PCM1: variants seen among roughly 807,000 people sequenced by gnomAD.
PCM1 encodes pericentriolar material 1, also known as pericentriolar material 1 protein.
A neutral mutation model predicts 241.9 loss-of-function variants in PCM1; 157 were observed. The ratio of observed to expected loss-of-function variants is 0.65; its 90% CI spans 0.57 to 0.74. The LOEUF is 0.74. Among genes scored for constraint, PCM1 ranks in the 30% least tolerant of loss-of-function variants. The pLI is 0.00. For synonymous variants in PCM1, 1,085 were observed against 784.9 expected, an observed-to-expected ratio of 1.38 and a Z score of -6.39; for missense variants, 3,478 against 2,360.1, an observed-to-expected ratio of 1.47 and a Z score of -9.81.
chr8:17,969,806 A>G (rs2285308), intron 22 of PCM1, 58 bp downstream of exon 22: 241,676 of 1,268,606 alleles, frequency 0.19, 25,887 homozygotes, highest in East Asian at 0.4. Flanking sequence ...ATTACATCTA[A>G]TTATGTGTAA....
chr8:17,975,917 T>C (rs1036074151), intron 23 of PCM1, among the ~76,000 whole-genome samples: 1 of 152,206 alleles, frequency 6.6e-6, no homozygotes, highest in African/African-American at 2.4e-5. Flanking sequence ...TTTCCTGCCT[T>C]ACTGAGTTTT....
intron 7 of PCM1, among the ~76,000 whole-genome samples, chr8:17,948,353 G>T (rs959337519): frequency 1.5e-5 from 2 of 136,900 alleles, no homozygotes; most frequent in Admixed American, 8.4e-5. Flanking sequence ...TGCCCAGGCT[G>T]GAGTGCAATG....
At position 18,020,576 on chromosome 8, in the gene PCM1, AT is replaced by A. The variant is rs768724511; in HGVS notation, c.5842-4784del. Reference sequence around the variant, plus strand: ...AACTATTGACTCCTCACATTGACTTATGGAAAACTTCATTAAATAATTCTGA... The same window carrying A: ...AACTATTGACTCCTCACATTGACTTAGGAAAACTTCATTAAATAATTCTGA... On this transcript the variant is annotated intron_variant, in intron 36 of 38. Transcript: ENST00000325083. Among the ~76,000 whole-genome samples, 3 of 152,204 alleles carry A rather than the reference AT, an allele frequency of 2.0e-5. No individual in the cohort carries two copies. In the East Asian group the frequency reaches 5.8e-4, roughly 29 times the overall value.
At chr8:18,008,254 T>C (rs545250455) in intron 30 of PCM1, among the ~76,000 whole-genome samples, 2 of 151,814 alleles carry the variant, frequency 1.3e-5, no homozygotes, top group African/African-American at 4.8e-5. Context: ...CTCATAGGAG[T>C]GTGAACCCTA....
In PCM1 at chr8:17,957,349, G is replaced by A; in HGVS notation, c.1732G>A (p.Val578Ile). The stretch of plus-strand genomic sequence containing the variant: ...TTCTAATAATAGAGATGGGCGAACA[G>A]TTAATTCTAATTGTGAAATTAACAA... The part of the protein sequence containing the change: ...CVSNNRDGRT[V>I]NSNCEINNRS... Residue 578 changes from valine to isoleucine, a missense_variant, in exon 12 of 39, where the codon GTT becomes ATT. Coordinates refer to ENST00000325083, the MANE Select transcript of PCM1 (RefSeq NM_006197.4). The A allele has an allele frequency of 6.2e-7, 1 of 1,611,624 alleles. No individual in the cohort carries two copies. The highest frequency in any genetic ancestry group is 1.7e-4 in the Middle Eastern group (1 of 6,060).
At chr8:17,986,739 T>A (rs1182132616) in intron 26 of PCM1, among the ~76,000 whole-genome samples, 1 of 151,818 alleles carries the variant, frequency 6.6e-6, no homozygotes, top group East Asian at 1.9e-4. Flanking sequence ...ATTTCAAGGT[T>A]CAGGCCTTGA....
intron 24 of PCM1, among the ~76,000 whole-genome samples, chr8:17,984,021 C>T (rs532436334): frequency 7.2e-5 from 11 of 152,134 alleles, no homozygotes; most frequent in African/African-American, 2.4e-4. Flanking sequence ...GGGATTTTTC[C>T]AGCCAAAGCT....
Position 17,957,241 on chromosome 8 carries a change from TCAG to T in PCM1, c.1647-22_1647-20del, listed in dbSNP as rs757029226. ...CTCTTTTTTTGTGCCTTAAATGACTTCAGGCTGTTTTCTTTCTTCTAGAAATCC... is the reference window on the plus strand; with the variant it reads ...CTCTTTTTTTGTGCCTTAAATGACTTGCTGTTTTCTTTCTTCTAGAAATCC... On this transcript the variant is annotated intron_variant, in intron 11 of 38. Coordinates refer to ENST00000325083, the MANE Select transcript of PCM1 (RefSeq NM_006197.4). The T allele has an allele frequency of 6.4e-7, 1 of 1,563,068 alleles. No individual in the cohort carries two copies. The highest frequency in any genetic ancestry group is 8.6e-7 in the Non-Finnish European group (1 of 1,156,296).
At position 17,957,333 on chromosome 8, in the gene PCM1, T is replaced by C. The variant is rs758150581; in HGVS notation, c.1716T>C (p.Asn572=). 3.1e-6 allele frequency: 5 copies of C among 1,611,560 alleles called. No individual in the cohort carries two copies. The African/African-American group carries it at 4.0e-5, about 13-fold the overall frequency. Residue 572 remains asparagine (N), a synonymous_variant, in exon 12 of 39, where the codon AAT becomes AAC. Transcript: ENST00000325083. ...GTAATGCACAGTGTGTTTCTAATAA[T>C]AGAGATGGGCGAACAGTTAATTCTA... ...SHSNAQCVSN[N]RDGRTVNSNC... is the part of the protein sequence containing the mutation.
In PCM1 at chr8:18,010,592, A is replaced by G; in HGVS notation, c.5161-17A>G. 1 of 1,572,620 alleles carries G rather than the reference A, an allele frequency of 6.4e-7. No homozygotes were observed. ...TAAGTATGTTGCTAAATTCTGTGTA[A>G]TTGATTTGTTTTAAAGGCTAAAAGG... is the stretch of plus-strand genomic sequence containing the variant. On this transcript the variant is annotated splice_polypyrimidine_tract_variant and intron_variant, in intron 31 of 38. Transcript: ENST00000325083.
intron 2 of PCM1, among the ~76,000 whole-genome samples, chr8:17,929,290 C>T (rs1261261194): frequency 1.3e-5 from 2 of 152,168 alleles, no homozygotes; most frequent in East Asian, 3.9e-4. Flanking sequence ...TCCCTCCTGT[C>T]TTTCTGTACC....
chr8:17,981,932 G>A (rs931761693), intron 24 of PCM1, among the ~76,000 whole-genome samples: 1 of 151,696 alleles, frequency 6.6e-6, no homozygotes, highest in African/African-American at 2.4e-5. Flanking sequence ...TTAAGATTTA[G>A]TGTTGTCTCA....
chr8:18,023,634 TAAGC>T (rs1208336368), intron 36 of PCM1, among the ~76,000 whole-genome samples: 2 of 152,216 alleles, frequency 1.3e-5, no homozygotes, highest in African/African-American at 4.8e-5. Context: ...TTTTATCAGA[TAAGC>T]AAGGCCTCCT....
intron 23 of PCM1, among the ~76,000 whole-genome samples, chr8:17,977,337 C>T (rs894325996): frequency 1.8e-4 from 28 of 151,996 alleles, no homozygotes; most frequent in African/African-American, 6.5e-4. Flanking sequence ...AGTGAAAAAA[C>T]CTGGAACCTA....
chr8:17,971,929 G>C (rs974360239), intron 22 of PCM1, among the ~76,000 whole-genome samples: 1 of 151,920 alleles, frequency 6.6e-6, no homozygotes, highest in Non-Finnish European at 1.5e-5. Flanking sequence ...ATTTTTTTTA[G>C]AGACGGGGTC....
At position 17,985,344 on chromosome 8, in the gene PCM1, A is replaced by C. The variant is rs2082247976; in HGVS notation, c.4109-103A>C. 10 of 693,444 alleles carry C rather than the reference A, an allele frequency of 1.4e-5. No individual in the cohort carries two copies. In the South Asian group the frequency reaches 2.3e-4, roughly 16 times the overall value. 43.0% of individuals were successfully genotyped at this position (693,444 alleles called of 1,614,324 possible). On this transcript the variant is annotated intron_variant, in intron 24 of 38. Transcript: ENST00000325083. ...TCTGAAATAGAATTGTCTAAAATAG[A>C]ATTTTTAGATAATTTAAAGCTGAGA...
intron 29 of PCM1, among the ~76,000 whole-genome samples, chr8:17,997,581 T>C (rs1404005598): frequency 1.3e-5 from 2 of 152,216 alleles, no homozygotes; most frequent in Admixed American, 6.5e-5. Flanking sequence ...TCAAAGAGCC[T>C]GTCTTCAAGC....
Position 17,963,154 on chromosome 8 carries a change from A to T in PCM1, c.2517A>T (p.Arg839Ser), listed in dbSNP as rs1309336004. Residue 839 changes from arginine (R) to serine (S), a missense_variant, in exon 17 of 39, where the codon AGA (arginine) becomes AGT (serine). Coordinates refer to ENST00000325083, the MANE Select transcript of PCM1 (RefSeq NM_006197.4). The stretch of plus-strand genomic sequence containing the variant: ...TGTTGAGGGAGGAGCTGCGACAGAG[A>T]AGAAAGCAGCTTGAAGCTCTGATGG... The part of the protein sequence containing the change: ...HEMLREELRQ[R>S]RKQLEALMAE... 1.9e-6 allele frequency: 3 copies of T among 1,613,512 alleles called. No homozygotes were observed. The highest frequency in any genetic ancestry group is 2.5e-6 in the Non-Finnish European group (3 of 1,179,694).
At position 18,028,959 on chromosome 8, in the gene PCM1, G is replaced by GC. The variant is rs1413949445; in HGVS notation, c.*1300dup. On this transcript the variant is annotated 3_prime_UTR_variant, in exon 39 of 39. Transcript: ENST00000325083. Reference sequence around the variant, plus strand: ...GAGGTCAAGAGATTGAGACCATCCTGCCCAACATGGGGGAAACCCCGTCTC... The same window carrying GC: ...GAGGTCAAGAGATTGAGACCATCCTGCCCCAACATGGGGGAAACCCCGTCTC... 5.6e-6 allele frequency: 1 copy of GC among 178,710 alleles called. No individual in the cohort carries two copies. The highest frequency in any genetic ancestry group is 1.2e-5 in the Non-Finnish European group (1 of 83,358). 11.1% of individuals were successfully genotyped at this position (178,710 alleles called of 1,614,324 possible).
Sources: gnomAD v4.1 joint callset for allele counts (sites outside exome capture counted in the v4.1 genomes callset) on GRCh38, gnomAD v4.1.1 for gene constraint, MANE v1.5 for transcripts, NCBI Gene and HGNC (gene_info 2026-07-23, HGNC 2026-07-21) for gene names.